The following ADK variants were observed in gnomAD, a reference collection of about 807,000 sequenced individuals.
The protein encoded by ADK is adenosine kinase.
A neutral mutation model predicts 44.7 loss-of-function variants in ADK; 24 were observed. The ratio of observed to expected loss-of-function variants is 0.54; its 90% CI spans 0.39 to 0.76. ADK has a LOEUF of 0.76. Ranked by LOEUF, ADK falls within the 30% of genes least tolerant of loss-of-function variation. ADK has a pLI of 0.00. For synonymous variants in ADK, 128 were observed against 142.6 expected, an observed-to-expected ratio of 0.90 and a Z score of 0.73; for missense variants, 321 against 425.1, an observed-to-expected ratio of 0.76 and a Z score of 2.15.
rs114993539 is a variant in ADK, at chr10:74,175,853, C to T, written c.65+24510C>T. Among the ~76,000 whole-genome samples, 905 of 152,354 alleles carry T rather than the reference C, an allele frequency of 5.9e-3. 11 individuals are homozygous for T. The highest frequency in any genetic ancestry group is 0.02 in the African/African-American group (844 of 41,566). ...ATCATAAAGCATTTACTGATTCCCC[C>T]CTTTTCATAGTTGGAGTTAATTTTC... On this transcript the variant is annotated intron_variant, in intron 1 of 10. Transcript: ENST00000539909.
intron 10 of ADK, among the ~76,000 whole-genome samples, chr10:74,687,863 T>G (rs944106592): frequency 4.6e-5 from 7 of 152,248 alleles, no homozygotes; most frequent in Non-Finnish European, 1.0e-4. Context: ...TCCTAACTGA[T>G]GTCTATGCCT....
At chr10:74,390,155 T>C (rs373159768) in intron 4 of ADK, among the ~76,000 whole-genome samples, 3 of 152,210 alleles carry the variant, frequency 2.0e-5, no homozygotes, top group East Asian at 3.9e-4. Context: ...ACACAGAAAT[T>C]TTCTGCTAAA....
At chr10:74,238,266 A>G (rs1845051249) in intron 3 of ADK, among the ~76,000 whole-genome samples, 1 of 152,210 alleles carries the variant, frequency 6.6e-6, no homozygotes, top group South Asian at 2.1e-4. Flanking sequence ...AGAAAATAGA[A>G]TTATCATGAT....
At chr10:74,306,546 A>G (rs1372908820) in intron 3 of ADK, among the ~76,000 whole-genome samples, 1 of 152,132 alleles carries the variant, frequency 6.6e-6, no homozygotes, top group Non-Finnish European at 1.5e-5. Context: ...ACCTCTTATT[A>G]TAACTTTGTT....
At chr10:74,537,533 C>G (rs946516408) in intron 7 of ADK, among the ~76,000 whole-genome samples, 4 of 152,198 alleles carry the variant, frequency 2.6e-5, no homozygotes, top group African/African-American at 9.7e-5. Flanking sequence ...TAGTCATTAT[C>G]TAGCAGTAGA....
chr10:74,617,251 C>T (rs557830662), intron 9 of ADK, among the ~76,000 whole-genome samples: 3 of 152,086 alleles, frequency 2.0e-5, no homozygotes, highest in South Asian at 4.2e-4. Context: ...GTCTTATTCC[C>T]GATATCAGTT....
intron 2 of ADK, among the ~76,000 whole-genome samples, chr10:74,204,966 G>C (rs1197503664): frequency 6.7e-6 from 1 of 149,654 alleles, no homozygotes; most frequent in Non-Finnish European, 1.5e-5. Context: ...CTTGAACCCG[G>C]GAGGCAGAGG....
chr10:74,169,444 A>G (rs1158929135), intron 1 of ADK, among the ~76,000 whole-genome samples: 1 of 152,164 alleles, frequency 6.6e-6, no homozygotes, highest in Non-Finnish European at 1.5e-5. Flanking sequence ...TGCCTTTGAG[A>G]GTCAAAGATT....
intron 3 of ADK, among the ~76,000 whole-genome samples, chr10:74,236,214 T>C (rs1468078547): frequency 1.3e-5 from 2 of 152,178 alleles, no homozygotes; most frequent in Non-Finnish European, 2.9e-5. Flanking sequence ...ACTTGCAACA[T>C]GGAATTTAGA....
intron 3 of ADK, among the ~76,000 whole-genome samples, chr10:74,230,731 G>A (rs948685233): frequency 1.3e-5 from 2 of 151,356 alleles, no homozygotes; most frequent in Non-Finnish European, 2.9e-5. Flanking sequence ...TGCCAGGCTG[G>A]AGTACAGTGG....
Position 74,473,838 on chromosome 10 carries a change from G to A in ADK, c.556-51418G>A, listed in dbSNP as rs185547273. Among the ~76,000 whole-genome samples the A allele has an allele frequency of 3.0e-3, 455 of 152,014 alleles. 1 individual carries two copies. Among genetic ancestry groups the A allele is most frequent in the Non-Finnish European group, 4.2e-3 (287 of 67,974 alleles). On this transcript the variant is annotated intron_variant, in intron 6 of 10. Transcript: ENST00000539909. ...TCCACCCCACACTTGGGGGTGGGGG[G>A]GTAAATACAAAATGAATAGTGTTTA...
intron 8 of ADK, among the ~76,000 whole-genome samples, chr10:74,600,079 A>G (rs1393008618): frequency 1.3e-5 from 2 of 152,200 alleles, no homozygotes; most frequent in African/African-American, 4.8e-5. Context: ...ACATTTATAG[A>G]TGAAATTATG....
intron 6 of ADK, among the ~76,000 whole-genome samples, chr10:74,422,206 T>C (rs1301312345): frequency 3.9e-5 from 6 of 152,226 alleles, no homozygotes; most frequent in Non-Finnish European, 7.3e-5. Flanking sequence ...CTCTCTGATA[T>C]TCTTTCCCTA....
chr10:74,483,105 A>G (rs1424848693), intron 6 of ADK, among the ~76,000 whole-genome samples: 4 of 152,120 alleles, frequency 2.6e-5, no homozygotes, highest in Admixed American at 2.6e-4. Context: ...GTTCTCCATG[A>G]GGGTTCACCC....
chr10:74,690,467 A>G (rs888096464), intron 10 of ADK, among the ~76,000 whole-genome samples: 2 of 152,198 alleles, frequency 1.3e-5, no homozygotes, highest in African/African-American at 4.8e-5. Flanking sequence ...CTGTTCTCCA[A>G]CCTGGGTGAT....
intron 7 of ADK, among the ~76,000 whole-genome samples, chr10:74,549,367 A>G (rs1311774382): frequency 4.6e-5 from 7 of 152,180 alleles, no homozygotes; most frequent in Admixed American, 1.3e-4. Context: ...GGACTATTAC[A>G]CTTATACATC....
chr10:74,297,159 T>A (rs1839847226), intron 3 of ADK, among the ~76,000 whole-genome samples: 1 of 152,192 alleles, frequency 6.6e-6, no homozygotes, highest in Non-Finnish European at 1.5e-5. Context: ...GGGTGAAGTG[T>A]TTGTATTTTG....
Position 74,458,326 on chromosome 10 carries a change from CAG to C in ADK, c.555+59748_555+59749del, listed in dbSNP as rs534798691. Among the ~76,000 whole-genome samples, 247 of 117,842 alleles carry C rather than the reference CAG, an allele frequency of 2.1e-3. 3 individuals carry two copies. In the South Asian group the frequency reaches 0.032, roughly 15 times the overall value. The allele number at this position is 117,842 out of a possible 152,430, so 77.3% of individuals were successfully genotyped here. The stretch of plus-strand genomic sequence containing the variant: ...TTTTTTTTTTTTTTTTTTGCAGAGA[CAG>C]GGGGTTTTCTATGTTACTCAGGCTG... On this transcript the variant is annotated intron_variant, in intron 6 of 10. Transcript: ENST00000539909.
intron 4 of ADK, among the ~76,000 whole-genome samples, chr10:74,323,229 T>C (rs1840879801): frequency 6.6e-6 from 1 of 152,190 alleles, no homozygotes; most frequent in Non-Finnish European, 1.5e-5. Context: ...GTCCTATGGA[T>C]GGTATATTCA....
Sources: gnomAD v4.1 joint callset for allele counts (sites outside exome capture counted in the v4.1 genomes callset) on GRCh38, gnomAD v4.1.1 for gene constraint, MANE v1.5 for transcripts, NCBI Gene and HGNC (gene_info 2026-07-23, HGNC 2026-07-21) for gene names.